TRPM3: variants seen among roughly 807,000 people sequenced by gnomAD.
The protein encoded by TRPM3 is long transient receptor potential channel 3.
TRPM3 carries 77 observed loss-of-function variants against 181.2 expected under a neutral mutation model. The ratio of observed to expected loss-of-function variants is 0.42; its 90% confidence interval spans 0.35 to 0.51. The LOEUF is 0.51. Ranked by LOEUF, TRPM3 falls within the 20% of genes least tolerant of loss-of-function variation. TRPM3 has a pLI of 0.01. For synonymous variants in TRPM3, 745 were observed against 796.4 expected, an observed-to-expected ratio of 0.94 and a Z score of 1.09; for missense variants, 1,759 against 2,196.7, an observed-to-expected ratio of 0.80 and a Z score of 3.98.
chr9:71,327,625 G>T (rs1330767461), intron 1 of TRPM3, among the ~76,000 whole-genome samples: 1 of 152,138 alleles, frequency 6.6e-6, no homozygotes, highest in African/African-American at 2.4e-5. Context: ...GTTTCAAAAT[G>T]TTTAAATAAC....
intron 1 of TRPM3, among the ~76,000 whole-genome samples, chr9:70,869,777 C>T (rs1421230144): frequency 6.6e-6 from 1 of 151,966 alleles, no homozygotes; most frequent in African/African-American, 2.4e-5. Flanking sequence ...ACCACGGTGG[C>T]CTATGGATGC....
rs745887368 is a variant in TRPM3, at chr9:70,846,609, A to G, written c.463-18T>C. 1.2e-6 allele frequency: 2 copies of G among 1,606,958 alleles called. No homozygotes were observed. Among genetic ancestry groups the G allele is most frequent in the Non-Finnish European group, 1.7e-6 (2 of 1,173,634 alleles). Reference sequence around the variant, plus strand: ...CGCACATACTGGAAGAAGAAAGGACATCAATTAGGGAGACAAGGCAGGACT... The same window carrying G: ...CGCACATACTGGAAGAAGAAAGGACGTCAATTAGGGAGACAAGGCAGGACT... On this transcript the variant is annotated intron_variant, in intron 3 of 25. Transcript: ENST00000677713.
chr9:71,155,828 C>T (rs1212674269), intron 1 of TRPM3, among the ~76,000 whole-genome samples: 1 of 152,016 alleles, frequency 6.6e-6, no homozygotes, highest in African/African-American at 2.4e-5. Context: ...CAAAAATTTT[C>T]AGGGGAGTTA....
intron 1 of TRPM3, among the ~76,000 whole-genome samples, chr9:71,436,503 C>T (rs1271694677): frequency 2.0e-5 from 3 of 151,768 alleles, no homozygotes; most frequent in Non-Finnish European, 4.4e-5. Context: ...GGGGGTTTCA[C>T]CATGTTGGCC....
At chr9:71,290,039 C>T (rs907542672) in intron 1 of TRPM3, among the ~76,000 whole-genome samples, 1 of 151,458 alleles carries the variant, frequency 6.6e-6, no homozygotes, top group South Asian at 2.1e-4. Flanking sequence ...CATGTACCCC[C>T]AAAATATGTA....
intron 12 of TRPM3, 128 bp downstream of exon 12, chr9:70,635,081 ACT>A: frequency 1.5e-6 from 1 of 686,838 alleles, no homozygotes; most frequent in Non-Finnish European, 2.5e-6. Context: ...ACACACACAC[ACT>A]GTTCTGAAAT....
intron 1 of TRPM3, among the ~76,000 whole-genome samples, chr9:70,950,606 C>T (rs1471614569): frequency 6.6e-6 from 1 of 152,134 alleles, no homozygotes. Context: ...CTGAGAATGG[C>T]CACTCCACAG....
intron 6 of TRPM3, among the ~76,000 whole-genome samples, chr9:70,794,663 T>C (rs1165688398): frequency 1.3e-5 from 2 of 152,170 alleles, no homozygotes; most frequent in Admixed American, 6.5e-5. Context: ...AGGTCCATGA[T>C]TGTCTTTTTC....
intron 1 of TRPM3, among the ~76,000 whole-genome samples, chr9:71,017,907 G>T (rs1334071186): frequency 6.6e-6 from 1 of 151,674 alleles, no homozygotes; most frequent in African/African-American, 2.4e-5. Flanking sequence ...AATAATACTT[G>T]CCAAAATATT....
At chr9:70,608,951 GAT>G (rs2061611968) in intron 19 of TRPM3, among the ~76,000 whole-genome samples, 3 of 152,078 alleles carry the variant, frequency 2.0e-5, no homozygotes, top group Non-Finnish European at 4.4e-5. Context: ...ATAAAAGAAA[GAT>G]ATTATTTTTG....
At chr9:71,322,815 A>C (rs1393330314) in intron 1 of TRPM3, among the ~76,000 whole-genome samples, 1 of 152,164 alleles carries the variant, frequency 6.6e-6, no homozygotes, top group South Asian at 2.1e-4. Flanking sequence ...CAGCATTGCC[A>C]AAGTTAAAAT....
upstream of TRPM3, among the ~76,000 whole-genome samples, chr9:71,125,981 G>A (rs1351574508): frequency 2.6e-5 from 4 of 152,068 alleles, no homozygotes; most frequent in Admixed American, 2.6e-4. Context: ...ATCTGACAGA[G>A]GTCTAATATC....
chr9:71,033,888 C>A (rs1021338713), intron 1 of TRPM3, among the ~76,000 whole-genome samples: 1 of 152,084 alleles, frequency 6.6e-6, no homozygotes, highest in Non-Finnish European at 1.5e-5. Flanking sequence ...AGTCAGAAAC[C>A]CACAGTAGTC....
intron 1 of TRPM3, among the ~76,000 whole-genome samples, chr9:71,408,332 T>C (rs545667893): frequency 4.6e-5 from 7 of 152,036 alleles, no homozygotes; most frequent in Admixed American, 2.6e-4. Context: ...TTTGAACCCA[T>C]CGCAAGAAAG....
At chr9:71,295,151 G>A (rs2086149961) in intron 1 of TRPM3, among the ~76,000 whole-genome samples, 1 of 152,004 alleles carries the variant, frequency 6.6e-6, no homozygotes, top group Non-Finnish European at 1.5e-5. Context: ...TTTGCAAAAT[G>A]CATAACTGTA....
intron 1 of TRPM3, among the ~76,000 whole-genome samples, chr9:71,388,773 C>T (rs1261733292): frequency 6.6e-6 from 1 of 152,012 alleles, no homozygotes; most frequent in East Asian, 1.9e-4. Context: ...CTTCAATTTC[C>T]CTAATGTGGC....
intron 6 of TRPM3, among the ~76,000 whole-genome samples, chr9:70,816,374 C>T (rs1049227506): frequency 6.6e-6 from 1 of 152,178 alleles, no homozygotes; most frequent in Non-Finnish European, 1.5e-5. Flanking sequence ...TGTAAGAATC[C>T]TTTAAATCCC....
At chr9:70,743,088 T>A (rs1460314707) in intron 8 of TRPM3, among the ~76,000 whole-genome samples, 2 of 152,212 alleles carry the variant, frequency 1.3e-5, no homozygotes, top group African/African-American at 2.4e-5. Flanking sequence ...CAGAGAACAC[T>A]ATGAACAAAG....
chr9:71,028,540 C>T (rs2056870330), intron 1 of TRPM3, among the ~76,000 whole-genome samples: 1 of 151,664 alleles, frequency 6.6e-6, no homozygotes, highest in East Asian at 1.9e-4. Flanking sequence ...ATAACCAAAA[C>T]CTAGTGATAT....
Sources: gnomAD v4.1 joint callset for allele counts (sites outside exome capture counted in the v4.1 genomes callset) on GRCh38, gnomAD v4.1.1 for gene constraint, MANE v1.5 for transcripts, NCBI Gene and HGNC (gene_info 2026-07-23, HGNC 2026-07-21) for gene names.